UNC13C: variants seen among roughly 807,000 people sequenced by gnomAD.
UNC13C encodes the protein unc-13 homolog C, also known as protein unc-13 homolog C.
A neutral mutation model predicts 245.4 loss-of-function variants in UNC13C; 174 were observed. The ratio of observed to expected loss-of-function variants is 0.71; its 90% CI spans 0.63 to 0.80. UNC13C has a LOEUF of 0.80. Ranked by LOEUF, UNC13C falls within the 30% of genes least tolerant of loss-of-function variation. UNC13C has a pLI of 0.00. For missense variants in UNC13C, 2,829 were observed against 2,602.9 expected, an observed-to-expected ratio of 1.09 and a Z score of -1.89; for synonymous variants, 992 against 895.1, an observed-to-expected ratio of 1.11 and a Z score of -1.93.
At chr15:54,256,412 G>A (rs531431799) in intron 8 of UNC13C, among the ~76,000 whole-genome samples, 1 of 152,276 alleles carries the variant, frequency 6.6e-6, no homozygotes, top group Admixed American at 6.5e-5. Flanking sequence ...CTTTACAGTA[G>A]TCCCACCTTA....
intron 2 of UNC13C, among the ~76,000 whole-genome samples, chr15:54,062,611 A>T (rs547326905): frequency 6.6e-6 from 1 of 152,314 alleles, no homozygotes; most frequent in African/African-American, 2.4e-5. Context: ...ATGTGGAAGT[A>T]CAGTTTAGTG....
At chr15:53,925,822 G>A in the UNC13C span, among the ~76,000 whole-genome samples, 1 of 152,002 alleles carries the variant, frequency 6.6e-6, no homozygotes, top group Non-Finnish European at 1.5e-5. Flanking sequence ...TTCCTTGTTC[G>A]GATCTTGTGA....
intron 11 of UNC13C, among the ~76,000 whole-genome samples, chr15:54,297,561 C>T (rs927644707): frequency 3.9e-5 from 6 of 152,026 alleles, no homozygotes; most frequent in Admixed American, 6.6e-5. Context: ...GCTATGTTGC[C>T]TAGGCTGGTC....
chr15:53,961,550 T>C, the UNC13C span, among the ~76,000 whole-genome samples: 1 of 152,210 alleles, frequency 6.6e-6, no homozygotes, highest in East Asian at 1.9e-4. Flanking sequence ...GTTAACAGTT[T>C]AGAAACTGTT....
chr15:54,516,887 C>G (rs1288591883), intron 24 of UNC13C, among the ~76,000 whole-genome samples: 1 of 151,708 alleles, frequency 6.6e-6, no homozygotes, highest in Non-Finnish European at 1.5e-5. Flanking sequence ...AGCCTACTTT[C>G]TGTGTTTTGA....
At chr15:54,283,989 T>G (rs1205015258) in intron 10 of UNC13C, among the ~76,000 whole-genome samples, 2 of 152,170 alleles carry the variant, frequency 1.3e-5, no homozygotes, top group Non-Finnish European at 2.9e-5. Context: ...CTTTGAATAT[T>G]ATAGCTAGAA....
chr15:53,844,080 G>C, the UNC13C span, among the ~76,000 whole-genome samples: 6 of 152,144 alleles, frequency 3.9e-5, no homozygotes, highest in Admixed American at 6.5e-5. Flanking sequence ...CCCAGCTGAA[G>C]GGAAAAGAAG....
chr15:54,478,181 C>A (rs1412375557), intron 19 of UNC13C, among the ~76,000 whole-genome samples: 1 of 150,720 alleles, frequency 6.6e-6, no homozygotes, highest in African/African-American at 2.4e-5. Context: ...TTTATTGCAT[C>A]TATTTGATTC....
At chr15:54,614,743 A>G (rs984005887) in intron 30 of UNC13C, among the ~76,000 whole-genome samples, 1 of 151,922 alleles carries the variant, frequency 6.6e-6, no homozygotes, top group Non-Finnish European at 1.5e-5. Flanking sequence ...CTTCTTGGAT[A>G]TTTATTATAT....
intron 13 of UNC13C, among the ~76,000 whole-genome samples, chr15:54,308,686 AC>A (rs2037787791): frequency 6.6e-6 from 1 of 151,722 alleles, no homozygotes; most frequent in Non-Finnish European, 1.5e-5. Flanking sequence ...CCTGGTAACT[AC>A]CATTTTACTC....
At chr15:54,411,150 G>T (rs568334893) in intron 18 of UNC13C, among the ~76,000 whole-genome samples, 1 of 152,172 alleles carries the variant, frequency 6.6e-6, no homozygotes, top group South Asian at 2.1e-4. Flanking sequence ...TTTCTCTGCT[G>T]AAGTGTCATT....
chr15:54,153,628 T>TA (rs1267687786), intron 4 of UNC13C, among the ~76,000 whole-genome samples: 14 of 152,120 alleles, frequency 9.2e-5, no homozygotes, highest in South Asian at 2.1e-4. Flanking sequence ...TTCTATTAAA[T>TA]ATTGTACTGT....
chr15:53,925,297 A>G, the UNC13C span, among the ~76,000 whole-genome samples: 1 of 152,220 alleles, frequency 6.6e-6, no homozygotes, highest in Non-Finnish European at 1.5e-5. Context: ...TTCTTGTTAT[A>G]AAATTTAAAT....
chr15:54,302,541 A>G (rs974158652), intron 13 of UNC13C, among the ~76,000 whole-genome samples: 1 of 152,170 alleles, frequency 6.6e-6, no homozygotes, highest in African/African-American at 2.4e-5. Flanking sequence ...CATTTATTAA[A>G]TAGGAAACCC....
At chr15:54,239,926 T>C (rs1209189463) in intron 7 of UNC13C, among the ~76,000 whole-genome samples, 1 of 152,232 alleles carries the variant, frequency 6.6e-6, no homozygotes, top group Non-Finnish European at 1.5e-5. Flanking sequence ...ATTTTATTGA[T>C]AAACTCCTAC....
intron 2 of UNC13C, among the ~76,000 whole-genome samples, chr15:54,113,369 T>C (rs181600782): frequency 6.6e-6 from 1 of 152,188 alleles, no homozygotes; most frequent in Non-Finnish European, 1.5e-5. Flanking sequence ...ATTTTAACAG[T>C]TGGTTAAAGA....
At chr15:54,546,914 T>G (rs1372347729) in intron 27 of UNC13C, 69 bp downstream of exon 27, 145 of 1,366,680 alleles carry the variant, frequency 1.1e-4, no homozygotes, top group Non-Finnish European at 1.4e-4. Flanking sequence ...ATGGTTTTCA[T>G]CCAGATGAAA....
chr15:54,162,271 A>G (rs1249845584), intron 4 of UNC13C, among the ~76,000 whole-genome samples: 1 of 152,166 alleles, frequency 6.6e-6, no homozygotes, highest in Non-Finnish European at 1.5e-5. Context: ...AAAGGCAGGG[A>G]CTGGTCCATT....
chr15:53,984,929 C>G (rs1487790679), intron 1 of UNC13C, among the ~76,000 whole-genome samples: 1 of 151,952 alleles, frequency 6.6e-6, no homozygotes, highest in Admixed American at 6.6e-5. Flanking sequence ...ATGTATTTTC[C>G]ATAGTGTTAT....
Sources: gnomAD v4.1 joint callset for allele counts (sites outside exome capture counted in the v4.1 genomes callset) on GRCh38, gnomAD v4.1.1 for gene constraint, MANE v1.5 for transcripts, NCBI Gene and HGNC (gene_info 2026-07-23, HGNC 2026-07-21) for gene names.